SIL1: variants seen among roughly 807,000 people sequenced by gnomAD.
SIL1 encodes the protein nucleotide exchange factor SIL1.
In SIL1, 40 loss-of-function variants were observed where a neutral mutation model predicts 49.1. The ratio of observed to expected loss-of-function variants is 0.81; its 90% CI spans 0.63 to 1.06. The LOEUF is 1.06. Among genes scored for constraint, SIL1 ranks in the 50% least tolerant of loss-of-function variants. The pLI is 0.00. For missense variants in SIL1, 500 were observed against 572.6 expected (o/e 0.87, Z 1.29); for synonymous variants, 253 against 250.8 (o/e 1.01, Z -0.08).
chr5:139,086,047 G>C (rs1770210241), intron 3 of SIL1, among the ~76,000 whole-genome samples: 1 of 151,468 alleles, frequency 6.6e-6, no homozygotes. Context: ...AGGATGGCTT[G>C]AGCCCAGGAG....
rs539393759 is a variant in SIL1 at position 139,035,763 on chromosome 5, C to T, written c.453+6857G>A. ...TCCCAGGTTCACGCCATTCTCCTGC[C>T]TCAGCCTCCTGAGTAGCTGGGACTA... On this transcript the variant is annotated intron_variant, in intron 5 of 9. Transcript: ENST00000394817. 9 of 189,988 alleles carry T rather than the reference C, an allele frequency of 4.7e-5. No homozygotes were observed. In the South Asian group the frequency reaches 8.8e-4, roughly 18 times the overall value. 11.8% of individuals were successfully genotyped at this position (189,988 alleles called of 1,614,324 possible).
chr5:139,137,873 C>G (rs1751006220), intron 1 of SIL1, among the ~76,000 whole-genome samples: 1 of 151,974 alleles, frequency 6.6e-6, no homozygotes, highest in African/African-American at 2.4e-5. Context: ...GTTCTAGTTT[C>G]TGCACCACAC....
In SIL1 at chr5:139,136,769, A is replaced by C. The variant is rs146580384; in HGVS notation, c.-10-8916T>G. On this transcript the variant is annotated intron_variant, in intron 1 of 9. Transcript: ENST00000394817. Reference sequence around the variant, plus strand: ...TGAAGATTTGAGGCCACATTTCTAAATGTGATTTTTCAACATTTCACTAAA... The same window carrying C: ...TGAAGATTTGAGGCCACATTTCTAACTGTGATTTTTCAACATTTCACTAAA... Among the ~76,000 whole-genome samples, 475 of 152,306 alleles carry C rather than the reference A, an allele frequency of 3.1e-3. 3 individuals carry two copies. Among genetic ancestry groups the C allele is most frequent in the Non-Finnish European group, 5.2e-3 (352 of 68,012 alleles).
intron 5 of SIL1, among the ~76,000 whole-genome samples, chr5:139,034,881 C>A (rs552664220): frequency 1.3e-5 from 2 of 152,334 alleles, no homozygotes; most frequent in South Asian, 2.1e-4. Context: ...TACACTCCCA[C>A]CAACAGTGTA....
At chr5:139,090,620 C>A (rs1339405948) in intron 3 of SIL1, among the ~76,000 whole-genome samples, 1 of 152,034 alleles carries the variant, frequency 6.6e-6, no homozygotes, top group Admixed American at 6.6e-5. Flanking sequence ...AGGGAAAGCA[C>A]TTTCTTTTTT....
rs9327839 is a variant in SIL1, at chr5:139,120,978, G to A, written c.244+57C>T. The A allele has an allele frequency of 1.7e-3, 2,685 of 1,608,554 alleles. 37 individuals carry two copies. In the African/African-American group the frequency reaches 0.031, roughly 18 times the overall value. On this transcript the variant is annotated intron_variant, in intron 3 of 9. Transcript: ENST00000394817. ...AAGGAGCAGCCCTCTGGGGACAAAG[G>A]ACATATGCAGTTTGAATTCAAAGTG...
intron 1 of SIL1, among the ~76,000 whole-genome samples, chr5:139,192,675 CAA>C (rs987949402): frequency 6.6e-6 from 1 of 152,088 alleles, no homozygotes; most frequent in African/African-American, 2.4e-5. Flanking sequence ...CCTCAAAATC[CAA>C]AGACTGGAAG....
chr5:139,155,430 A>G (rs1442863264), intron 1 of SIL1: 1 of 150,840 alleles, frequency 6.6e-6, no homozygotes, highest in Non-Finnish European at 1.5e-5. Flanking sequence ...CTCAGTATAC[A>G]CACACACGTA....
intron 3 of SIL1, among the ~76,000 whole-genome samples, chr5:139,084,708 G>A (rs1173412163): frequency 3.5e-5 from 5 of 142,316 alleles, no homozygotes; most frequent in East Asian, 2.0e-4. Flanking sequence ...TGGGTGCAGC[G>A]CACCAGCATG....
At chr5:139,122,515 A>G (rs1166157928) in intron 2 of SIL1, among the ~76,000 whole-genome samples, 2 of 151,922 alleles carry the variant, frequency 1.3e-5, no homozygotes, top group African/African-American at 4.8e-5. Flanking sequence ...GGATCGTTAG[A>G]GCCCAGGAGG....
chr5:139,049,918 G>A (rs116071121), intron 4 of SIL1, among the ~76,000 whole-genome samples: 104 of 152,144 alleles, frequency 6.8e-4, no homozygotes, highest in African/African-American at 2.4e-3. Context: ...CAAACTGTCT[G>A]TAATGACTGG....
intron 3 of SIL1, among the ~76,000 whole-genome samples, chr5:139,091,784 A>G (rs1235910858): frequency 6.6e-6 from 1 of 152,194 alleles, no homozygotes; most frequent in Admixed American, 6.5e-5. Context: ...GAGACCCTGA[A>G]CAGAAGACTC....
In SIL1 at chr5:139,021,317, CA is replaced by C. The variant is rs1561831806; in HGVS notation, c.646-26del. The C allele has an allele frequency of 2.5e-6, 4 of 1,613,744 alleles. No individual in the cohort carries two copies. The Admixed American group carries it at 6.7e-5, about 27-fold the overall frequency. Reference sequence around the variant, plus strand: ...TCTGCAACAGAGCCACTGCTTAGTACAGCATAGCCATCAGGGACAGGAAAGC... The same window carrying C: ...TCTGCAACAGAGCCACTGCTTAGTACGCATAGCCATCAGGGACAGGAAAGC... On this transcript the variant is annotated intron_variant, in intron 6 of 9. Transcript: ENST00000394817.
chr5:139,100,376 G>T (rs1003201648), intron 3 of SIL1, among the ~76,000 whole-genome samples: 1 of 152,178 alleles, frequency 6.6e-6, no homozygotes, highest in Non-Finnish European at 1.5e-5. Context: ...AGAGTGACTA[G>T]AGGAGAGGAA....
In SIL1 at chr5:139,026,966, G is replaced by C. The variant is rs746221897; in HGVS notation, c.480C>G (p.Leu160=). The stretch of plus-strand genomic sequence containing the variant: ...TCTTCAGTTCCTCAATGGGGCGGAA[G>C]AGCCGCTTTACCTCAGCCTGCCTTG... ...DKARQAEVKR[L]FRPIEELKKD... Residue 160 remains leucine (L), a synonymous_variant, in exon 6 of 10, where the codon CTC becomes CTG. Coordinates refer to ENST00000394817, the MANE Select transcript of SIL1 (RefSeq NM_022464.5). 1 of 1,614,174 alleles carries C rather than the reference G, an allele frequency of 6.2e-7. No individual in the cohort carries two copies. Among genetic ancestry groups the C allele is most frequent in the South Asian group, 1.1e-5 (1 of 91,084 alleles).
intron 1 of SIL1, among the ~76,000 whole-genome samples, chr5:139,141,857 A>T (rs565294395): frequency 6.6e-6 from 1 of 152,194 alleles, no homozygotes; most frequent in East Asian, 1.9e-4. Context: ...TTTAAAATAC[A>T]TTATTTTCAG....
rs769052639 is a variant in SIL1, at chr5:138,947,491, C to T, written c.1030-18G>A. On this transcript the variant is annotated intron_variant, in intron 9 of 9. Transcript: ENST00000394817. This position sits in a 1 kb window ranked among gnomAD's most constrained non-coding sequence, Gnocchi z 4.1. ...GCGAACATCTGCCATCCGCCACAGC[C>T]GCAGGCCAGGTAGGGTGGGGGTGGG... The T allele has an allele frequency of 6.2e-6, 10 of 1,610,748 alleles. No individual in the cohort carries two copies. Among genetic ancestry groups the T allele is most frequent in the South Asian group, 3.3e-5 (3 of 91,026 alleles).
rs59863544 is a variant in SIL1, at chr5:139,098,809, C to CTTTTTTT, written c.244+22219_244+22225dup. Reference sequence around the variant, plus strand: ...AAGATTTGAATAGACTTTTCTTACTCTTTTTTTTTTTTTTTTTTTTTTTTT... The same window carrying CTTTTTTT: ...AAGATTTGAATAGACTTTTCTTACTCTTTTTTTTTTTTTTTTTTTTTTTTTTTTTTTT... On this transcript the variant is annotated intron_variant, in intron 3 of 9. Coordinates refer to ENST00000394817, the MANE Select transcript of SIL1 (RefSeq NM_022464.5). Among the ~76,000 whole-genome samples the CTTTTTTT allele has an allele frequency of 1.2e-3, 109 of 89,078 alleles. 5 individuals are homozygous for CTTTTTTT. The highest frequency in any genetic ancestry group is 1.6e-3 in the African/African-American group (39 of 24,462). The allele number at this position is 89,078 out of a possible 152,430, so 58.4% of individuals were successfully genotyped here.
In SIL1 at chr5:138,947,183, A is replaced by G. The variant is rs1208320948; in HGVS notation, c.1320T>C (p.Gly440=). 1 of 1,613,276 alleles carries G rather than the reference A, an allele frequency of 6.2e-7. No homozygotes were observed. The highest frequency in any genetic ancestry group is 1.3e-5 in the African/African-American group (1 of 74,840). The change falls in exon 10 of 10, where the codon GGT becomes GGC. Residue 440 remains glycine (G), a synonymous_variant. Coordinates refer to ENST00000394817, the MANE Select transcript of SIL1 (RefSeq NM_022464.5). This position sits in a 1 kb window ranked among gnomAD's most constrained non-coding sequence, Gnocchi z 4.1. Reference sequence around the variant, plus strand: ...GCTCCTGGAAGTAGCCCTCGTCCTCACCATCCTGCAGCTCCAGGCTGGCCA... The same window carrying G: ...GCTCCTGGAAGTAGCCCTCGTCCTCGCCATCCTGCAGCTCCAGGCTGGCCA... ...QVLASLELQD[G]EDEGYFQELL... is the part of the protein sequence containing the mutation.
Sources: gnomAD v4.1 joint callset for allele counts (sites outside exome capture counted in the v4.1 genomes callset) on GRCh38, gnomAD v4.1.1 for gene constraint, Gnocchi (gnomAD v3.1) non-coding constraint, MANE v1.5 for transcripts, NCBI Gene and HGNC (gene_info 2026-07-23, HGNC 2026-07-21) for gene names.